KCND2: variants seen among roughly 807,000 people sequenced by gnomAD.
KCND2 encodes the protein potassium voltage-gated channel subfamily D member 2.
Under a neutral mutation model 54.4 loss-of-function variants are expected in KCND2, and 16 were observed. The ratio of observed to expected loss-of-function variants is 0.29; its 90% CI spans 0.20 to 0.45. KCND2 has a LOEUF of 0.45. Among genes scored for constraint, KCND2 ranks in the 20% least tolerant of loss-of-function variants. The pLI is 1.00. For synonymous variants in KCND2, 317 were observed against 310.7 expected, an observed-to-expected ratio of 1.02 and a Z score of -0.21; for missense variants, 486 against 824.2, an observed-to-expected ratio of 0.59 and a Z score of 5.02.
intron 1 of KCND2, among the ~76,000 whole-genome samples, chr7:120,523,708 G>GACAC (rs1223405119): frequency 1.2e-5 from 1 of 82,994 alleles, no homozygotes; most frequent in African/African-American, 6.1e-5. Flanking sequence ...CACACTCTGT[G>GACAC]TGTGTGTGTG....
Position 120,710,520 on chromosome 7 carries a change from C to T in KCND2, c.1116-22383C>T, listed in dbSNP as rs575686873. Among the ~76,000 whole-genome samples the T allele has an allele frequency of 1.9e-3, 285 of 152,262 alleles. 2 individuals are homozygous for T. The highest frequency in any genetic ancestry group is 6.7e-3 in the African/African-American group (277 of 41,584). On this transcript the variant is annotated intron_variant, in intron 1 of 5. Transcript: ENST00000331113. ...TGAGACAATCAAACAAGGTCAATAT[C>T]TTCACTGTCCTTTGAGTCTGGGTTC...
chr7:120,490,350 T>C (rs1802761198), intron 1 of KCND2, among the ~76,000 whole-genome samples: 1 of 152,190 alleles, frequency 6.6e-6, no homozygotes. Context: ...TCATTTAAGC[T>C]CATCACTGTT....
chr7:120,526,025 T>C (rs1178349022), intron 1 of KCND2, among the ~76,000 whole-genome samples: 1 of 152,148 alleles, frequency 6.6e-6, no homozygotes, highest in South Asian at 2.1e-4. Context: ...CCTACAAGCA[T>C]GGGATTTTCC....
intron 1 of KCND2, among the ~76,000 whole-genome samples, chr7:120,496,188 C>T (rs1443402960): frequency 6.6e-6 from 1 of 152,134 alleles, no homozygotes; most frequent in African/African-American, 2.4e-5. Context: ...ACCTGCAACA[C>T]TCTCCCTGAA....
chr7:120,384,206 T>C (rs1328935639), intron 1 of KCND2, among the ~76,000 whole-genome samples: 1 of 151,974 alleles, frequency 6.6e-6, no homozygotes, highest in African/African-American at 2.4e-5. Context: ...TTCATTGTTT[T>C]TTTCCCCCCC....
intron 4 of KCND2, 23 bp from the exon 5 acceptor site, chr7:120,745,757 A>T (rs745801435): frequency 6.2e-7 from 1 of 1,612,984 alleles, no homozygotes; most frequent in Non-Finnish European, 8.5e-7. Flanking sequence ...CTGTTTCTTC[A>T]TTTACTTACA....
chr7:120,590,568 C>T (rs1792658158), intron 1 of KCND2, among the ~76,000 whole-genome samples: 1 of 152,116 alleles, frequency 6.6e-6, no homozygotes, highest in African/African-American at 2.4e-5. Context: ...CATTTTCTTT[C>T]ATTAAATATA....
chr7:120,395,149 A>G (rs1000544502), intron 1 of KCND2, among the ~76,000 whole-genome samples: 5 of 152,078 alleles, frequency 3.3e-5, no homozygotes, highest in African/African-American at 4.8e-5. Flanking sequence ...TGTTTCTTCA[A>G]TAACATAACT....
At chr7:120,401,750 T>A (rs1046523985) in intron 1 of KCND2, among the ~76,000 whole-genome samples, 4 of 152,182 alleles carry the variant, frequency 2.6e-5, no homozygotes, top group African/African-American at 4.8e-5. Context: ...TGTTGTAGAT[T>A]TGCTTTGTTA....
chr7:120,603,367 GGCT>G (rs1792838593), intron 1 of KCND2, among the ~76,000 whole-genome samples: 1 of 152,078 alleles, frequency 6.6e-6, no homozygotes, highest in Non-Finnish European at 1.5e-5. Flanking sequence ...CCCCCAAGTG[GGCT>G]GCACCTACAT....
chr7:120,357,217 T>C (rs894962076), intron 1 of KCND2, among the ~76,000 whole-genome samples: 1 of 152,158 alleles, frequency 6.6e-6, no homozygotes, highest in Admixed American at 6.6e-5. Flanking sequence ...CTCTTTCACC[T>C]CTAATAATAT....
intron 2 of KCND2, among the ~76,000 whole-genome samples, chr7:120,739,466 A>G (rs1792913156): frequency 6.6e-6 from 1 of 152,040 alleles, no homozygotes; most frequent in Admixed American, 6.6e-5. Context: ...TTTTGAAGTT[A>G]AAATTTTTCT....
intron 1 of KCND2, among the ~76,000 whole-genome samples, chr7:120,578,543 C>T (rs1230022574): frequency 1.3e-5 from 2 of 151,986 alleles, no homozygotes; most frequent in African/African-American, 4.8e-5. Flanking sequence ...TCCAGCCTAG[C>T]GAACATGGTG....
At chr7:120,622,824 A>T (rs1027304985) in intron 1 of KCND2, among the ~76,000 whole-genome samples, 3 of 151,958 alleles carry the variant, frequency 2.0e-5, no homozygotes, top group Non-Finnish European at 4.4e-5. Flanking sequence ...GCCCTTTACT[A>T]TCAAACTTGA....
intron 1 of KCND2, among the ~76,000 whole-genome samples, chr7:120,640,429 A>C (rs1330992882): frequency 6.6e-6 from 1 of 152,192 alleles, no homozygotes; most frequent in Non-Finnish European, 1.5e-5. Context: ...AGGCATTGTA[A>C]GTCTTGTTTA....
chr7:120,679,552 G>A (rs1683076041), intron 1 of KCND2, among the ~76,000 whole-genome samples: 1 of 151,986 alleles, frequency 6.6e-6, no homozygotes, highest in African/African-American at 2.4e-5. Context: ...CACAAAAGTA[G>A]ACAATCCTGC....
chr7:120,386,048 C>T (rs1800983487), intron 1 of KCND2, among the ~76,000 whole-genome samples: 1 of 152,082 alleles, frequency 6.6e-6, no homozygotes, highest in Non-Finnish European at 1.5e-5. Flanking sequence ...GCAAGGCTCA[C>T]CTTTTCTGTC....
chr7:120,331,838 A>T (rs1800073455), intron 1 of KCND2, among the ~76,000 whole-genome samples: 1 of 152,072 alleles, frequency 6.6e-6, no homozygotes, highest in African/African-American at 2.4e-5. Context: ...TTTGCTGCAT[A>T]TTGTGTCATA....
At chr7:120,399,907 G>T (rs1188386223) in intron 1 of KCND2, among the ~76,000 whole-genome samples, 1 of 151,774 alleles carries the variant, frequency 6.6e-6, no homozygotes, top group African/African-American at 2.4e-5. Flanking sequence ...CATATTTTTA[G>T]CAGAGACAGA....
Sources: gnomAD v4.1 joint callset for allele counts (sites outside exome capture counted in the v4.1 genomes callset) on GRCh38, gnomAD v4.1.1 for gene constraint, MANE v1.5 for transcripts, NCBI Gene and HGNC (gene_info 2026-07-23, HGNC 2026-07-21) for gene names.